GALNT2: variants seen among roughly 807,000 people sequenced by gnomAD.
GALNT2 encodes UDP-GalNAc:polypeptide N-acetylgalactosaminyltransferase 2.
In GALNT2, 31 loss-of-function variants were observed where a neutral mutation model predicts 81.4. That is an observed-to-expected ratio of 0.38 (90% CI 0.29 to 0.51). The LOEUF is 0.51. Ranked by LOEUF, GALNT2 falls within the 20% of genes least tolerant of loss-of-function variation. The pLI is 0.87. For synonymous variants in GALNT2, 303 were observed against 287.4 expected (o/e 1.05, Z -0.55); for missense variants, 629 against 765.7 (o/e 0.82, Z 2.11).
At position 230,130,701 on chromosome 1, in the gene GALNT2, C is replaced by G. The variant is rs187780578; in HGVS notation, c.127-47517C>G. On this transcript the variant is annotated intron_variant, in intron 1 of 15. Transcript: ENST00000366672. Reference sequence around the variant, plus strand: ...TGCCCAAAGTGGGATTTCTGCTGATCAAGAGTCTGGAATTTACACTCCAGC... The same window carrying G: ...TGCCCAAAGTGGGATTTCTGCTGATGAAGAGTCTGGAATTTACACTCCAGC... Among the ~76,000 whole-genome samples the G allele has an allele frequency of 8.5e-5, 13 of 152,304 alleles. 2 individuals carry two copies. The highest frequency in any genetic ancestry group is 8.5e-4 in the Admixed American group (13 of 15,296).
intron 1 of GALNT2, among the ~76,000 whole-genome samples, chr1:230,143,752 C>T (rs1055384297): frequency 6.6e-6 from 1 of 152,194 alleles, no homozygotes; most frequent in African/African-American, 2.4e-5. Context: ...CTTTATCTGC[C>T]ACACGCACGT....
chr1:230,154,738 C>G (rs989463758), intron 1 of GALNT2, among the ~76,000 whole-genome samples: 1 of 152,090 alleles, frequency 6.6e-6, no homozygotes, highest in Non-Finnish European at 1.5e-5. Context: ...AGCATCTTCC[C>G]CCATGGCCCT....
chr1:230,143,757 G>A (rs568859726), intron 1 of GALNT2, among the ~76,000 whole-genome samples: 11 of 152,320 alleles, frequency 7.2e-5, no homozygotes, highest in East Asian at 5.8e-4. Flanking sequence ...TCTGCCACAC[G>A]CACGTGGGTG....
intron 2 of GALNT2, among the ~76,000 whole-genome samples, chr1:230,195,401 G>A (rs1209143644): frequency 6.6e-6 from 1 of 152,182 alleles, no homozygotes; most frequent in Non-Finnish European, 1.5e-5. Flanking sequence ...TTGGGATAGA[G>A]CTCTGCGTGA....
intron 1 of GALNT2, among the ~76,000 whole-genome samples, chr1:230,110,586 G>C (rs1660670870): frequency 6.6e-6 from 1 of 152,188 alleles, no homozygotes; most frequent in Non-Finnish European, 1.5e-5. Flanking sequence ...CACTTAGAAT[G>C]GTGTGCTGCA....
At chr1:230,138,902 T>C (rs571454715) in intron 1 of GALNT2, among the ~76,000 whole-genome samples, 7 of 152,310 alleles carry the variant, frequency 4.6e-5, no homozygotes, top group African/African-American at 1.7e-4. Flanking sequence ...CATCCTGTTT[T>C]GTTTATCAGT....
At chr1:230,265,585 G>A (rs1011860098) in intron 14 of GALNT2, among the ~76,000 whole-genome samples, 26 of 152,296 alleles carry the variant, frequency 1.7e-4, no homozygotes, top group African/African-American at 5.5e-4. Context: ...CATCAGCTTC[G>A]GACCAGGCTC....
chr1:230,201,681 C>G (rs1001097579), intron 2 of GALNT2, among the ~76,000 whole-genome samples: 1 of 152,194 alleles, frequency 6.6e-6, no homozygotes, highest in African/African-American at 2.4e-5. Flanking sequence ...GCCCTGCCTT[C>G]CCCTCTCCAA....
chr1:230,091,028 C>T (rs1026954787), intron 1 of GALNT2, among the ~76,000 whole-genome samples: 1 of 152,020 alleles, frequency 6.6e-6, no homozygotes, highest in Non-Finnish European at 1.5e-5. Flanking sequence ...AGCCAGCACT[C>T]CTGGGGTGTG....
At chr1:230,098,468 G>A (rs1192287909) in intron 1 of GALNT2, among the ~76,000 whole-genome samples, 1 of 151,946 alleles carries the variant, frequency 6.6e-6, no homozygotes, top group Non-Finnish European at 1.5e-5. Context: ...AGGAAGCTGA[G>A]AGGCTGAAGG....
chr1:230,206,085 G>T (rs995720538), intron 3 of GALNT2, among the ~76,000 whole-genome samples: 1 of 152,048 alleles, frequency 6.6e-6, no homozygotes, highest in Non-Finnish European at 1.5e-5. Context: ...CCATGAGATG[G>T]TCTGAATTTC....
intron 1 of GALNT2, among the ~76,000 whole-genome samples, chr1:230,124,569 A>T (rs1240855375): frequency 6.6e-6 from 1 of 152,232 alleles, no homozygotes; most frequent in Middle Eastern, 3.2e-3. Flanking sequence ...CCCTGGCTCC[A>T]GGTATTTGGA....
chr1:230,212,310 C>T (rs926411579), intron 3 of GALNT2, among the ~76,000 whole-genome samples: 5 of 152,018 alleles, frequency 3.3e-5, no homozygotes, highest in African/African-American at 1.2e-4. Context: ...CCTGAATGCA[C>T]CTAAAAAATG....
At chr1:230,063,967 A>G (rs1659107216), upstream of GALNT2, among the ~76,000 whole-genome samples, 3 of 152,098 alleles carry the variant, frequency 2.0e-5, no homozygotes, top group Admixed American at 2.0e-4. Context: ...CTACTGCATC[A>G]CTGTGCCACA....
At chr1:230,095,760 C>G (rs373311973) in intron 1 of GALNT2, among the ~76,000 whole-genome samples, 91 of 152,342 alleles carry the variant, frequency 6.0e-4, no homozygotes, top group African/African-American at 2.1e-3. Context: ...CTTGAGGGGC[C>G]TGGTAGCCCC....
At chr1:230,121,631 G>C (rs1661018141) in intron 1 of GALNT2, among the ~76,000 whole-genome samples, 1 of 152,200 alleles carries the variant, frequency 6.6e-6, no homozygotes, top group Non-Finnish European at 1.5e-5. Context: ...GAGAACATCA[G>C]TGTCTGCCTT....
At chr1:230,228,572 G>A (rs1664782658) in intron 3 of GALNT2, among the ~76,000 whole-genome samples, 1 of 152,066 alleles carries the variant, frequency 6.6e-6, no homozygotes, top group African/African-American at 2.4e-5. Context: ...AAAAAAAAGA[G>A]ATTATGGATC....
intron 1 of GALNT2, among the ~76,000 whole-genome samples, chr1:230,139,660 G>A (rs1036815603): frequency 2.0e-5 from 3 of 152,172 alleles, no homozygotes; most frequent in African/African-American, 7.2e-5. Flanking sequence ...GAATAGTAAG[G>A]GATTTTTTGT....
rs145458253 is a variant in GALNT2, at chr1:230,101,277, G to A, written c.126+33871G>A. Among the ~76,000 whole-genome samples, 16 of 152,306 alleles carry A rather than the reference G, an allele frequency of 1.1e-4. No individual in the cohort carries two copies. In the East Asian group the frequency reaches 3.1e-3, roughly 29 times the overall value. ...ACTCCTAAATGTGTCATATGGCAAG[G>A]GTGCCTCATTGTAATTCTGGCTTTT... On this transcript the variant is annotated intron_variant, in intron 1 of 15. Transcript: ENST00000366672.
Sources: gnomAD v4.1 joint callset for allele counts (sites outside exome capture counted in the v4.1 genomes callset) on GRCh38, gnomAD v4.1.1 for gene constraint, MANE v1.5 for transcripts, NCBI Gene and HGNC (gene_info 2026-07-23, HGNC 2026-07-21) for gene names.